ADGRL3: variants seen among roughly 807,000 people sequenced by gnomAD.
ADGRL3 encodes the protein adhesion G protein-coupled receptor L3.
ADGRL3 carries 62 observed loss-of-function variants against 153.5 expected under a neutral mutation model. The ratio of observed to expected loss-of-function variants is 0.40; its 90% CI spans 0.33 to 0.50. The LOEUF is 0.50. ADGRL3 is among the 20% of genes least tolerant of loss of function. The pLI is 0.47. For missense variants in ADGRL3, 1,641 were observed against 1,859.4 expected, an observed-to-expected ratio of 0.88 and a Z score of 2.16; for synonymous variants, 710 against 672.5, an observed-to-expected ratio of 1.06 and a Z score of -0.86.
intron 4 of ADGRL3, among the ~76,000 whole-genome samples, chr4:61,545,547 T>C (rs112703930): frequency 7.9e-5 from 12 of 152,294 alleles, no homozygotes; most frequent in African/African-American, 2.9e-4. Flanking sequence ...TGAGTCTCAC[T>C]CTGTTGCCCA....
intron 8 of ADGRL3, among the ~76,000 whole-genome samples, chr4:61,745,478 A>C (rs1279778234): frequency 6.6e-6 from 1 of 152,214 alleles, no homozygotes. Context: ...GGTTACCCAC[A>C]AAGGGAAGCC....
intron 2 of ADGRL3, among the ~76,000 whole-genome samples, chr4:61,466,564 C>G (rs1037877030): frequency 3.9e-5 from 6 of 152,064 alleles, no homozygotes; most frequent in African/African-American, 1.4e-4. Flanking sequence ...AAGAGTGGAC[C>G]TGGTACTATT....
intron 4 of ADGRL3, among the ~76,000 whole-genome samples, chr4:61,537,777 C>T (rs976143058): frequency 3.9e-5 from 6 of 152,104 alleles, no homozygotes; most frequent in Non-Finnish European, 7.4e-5. Context: ...AAGATTGCTT[C>T]GATTAAGATC....
intron 20 of ADGRL3, among the ~76,000 whole-genome samples, chr4:61,997,132 G>A (rs913597781): frequency 1.1e-4 from 17 of 151,496 alleles, no homozygotes; most frequent in African/African-American, 3.4e-4. Flanking sequence ...CATATATTGC[G>A]TAATACACAA....
At chr4:61,639,775 T>G (rs778084005) in intron 5 of ADGRL3, among the ~76,000 whole-genome samples, 10 of 152,196 alleles carry the variant, frequency 6.6e-5, no homozygotes, top group Non-Finnish European at 1.5e-4. Flanking sequence ...GAAGTATGTG[T>G]TCATAAGTAT....
At chr4:61,458,515 AT>A (rs1233599490) in intron 2 of ADGRL3, among the ~76,000 whole-genome samples, 7 of 151,480 alleles carry the variant, frequency 4.6e-5, no homozygotes, top group Admixed American at 4.0e-4. Context: ...GGTCAATAAT[AT>A]TCTTGGTTCC....
intron 21 of ADGRL3, among the ~76,000 whole-genome samples, chr4:62,020,923 G>A (rs1029753305): frequency 7.9e-5 from 12 of 151,990 alleles, no homozygotes; most frequent in African/African-American, 2.9e-4. Flanking sequence ...TTCAGAGTAT[G>A]AAAATTCATA....
chr4:61,250,181 T>C (rs1758696871), intron 1 of ADGRL3, among the ~76,000 whole-genome samples: 1 of 152,158 alleles, frequency 6.6e-6, no homozygotes. Flanking sequence ...TGCCACAGGG[T>C]TGATAAATCT....
intron 9 of ADGRL3, among the ~76,000 whole-genome samples, chr4:61,861,978 T>G (rs2149287473): frequency 6.6e-6 from 1 of 152,238 alleles, no homozygotes; most frequent in East Asian, 1.9e-4. Flanking sequence ...CAGCAAATGT[T>G]CCAAGAAATA....
chr4:61,286,676 G>A (rs1334613428), intron 1 of ADGRL3, among the ~76,000 whole-genome samples: 2 of 151,110 alleles, frequency 1.3e-5, no homozygotes, highest in Non-Finnish European at 3.0e-5. Flanking sequence ...TTTATATATC[G>A]AGATAAACCT....
chr4:62,010,790 A>G (rs2099182468), intron 21 of ADGRL3, among the ~76,000 whole-genome samples: 2 of 152,100 alleles, frequency 1.3e-5, no homozygotes, highest in Admixed American at 6.6e-5. Context: ...GCTCTTATTT[A>G]TATCATTAAA....
intron 4 of ADGRL3, among the ~76,000 whole-genome samples, chr4:61,531,181 T>C (rs2098610680): frequency 2.6e-5 from 4 of 152,086 alleles, no homozygotes; most frequent in Admixed American, 2.6e-4. Flanking sequence ...GCAAAGAAAA[T>C]GAGTGTGTGT....
chr4:61,289,475 G>A (rs1448820431), intron 1 of ADGRL3, among the ~76,000 whole-genome samples: 1 of 151,982 alleles, frequency 6.6e-6, no homozygotes, highest in Non-Finnish European at 1.5e-5. Context: ...GTAGATTATA[G>A]GAATATACAT....
chr4:61,685,339 G>A (rs780240128), intron 6 of ADGRL3, among the ~76,000 whole-genome samples: 4 of 152,216 alleles, frequency 2.6e-5, no homozygotes, highest in Middle Eastern at 3.4e-3. Context: ...CAGTGAAGAC[G>A]TTAGTCCCAC....
intron 4 of ADGRL3, among the ~76,000 whole-genome samples, chr4:61,559,205 C>G (rs972352328): frequency 6.6e-6 from 1 of 152,152 alleles, no homozygotes; most frequent in East Asian, 1.9e-4. Flanking sequence ...GCTTAATTCT[C>G]ATCATCATCA....
rs182470778 is a variant in ADGRL3, at chr4:61,676,973, G to C, written c.583+38G>C. On this transcript the variant is annotated intron_variant, in intron 6 of 26. Coordinates refer to ENST00000683033, the MANE Select transcript of ADGRL3 (RefSeq NM_001387552.1). The stretch of plus-strand genomic sequence containing the variant: ...CTATACTTTTCTTGGCAAGAGAAAA[G>C]ATACTAAACTGTGTTTTGCATGCAT... The C allele has an allele frequency of 4.7e-6, 6 of 1,288,790 alleles. 1 individual carries two copies. The South Asian group carries it at 6.0e-5, about 13-fold the overall frequency. The allele number at this position is 1,288,790 out of a possible 1,614,324, so 79.8% of individuals were successfully genotyped here.
chr4:61,939,933 T>G (rs536327071), intron 15 of ADGRL3, among the ~76,000 whole-genome samples: 2 of 152,006 alleles, frequency 1.3e-5, no homozygotes, highest in Non-Finnish European at 2.9e-5. Context: ...TTTTTTTTTT[T>G]AATTTTTTTA....
chr4:61,324,133 C>A (rs1022572041), intron 1 of ADGRL3, among the ~76,000 whole-genome samples: 13 of 152,094 alleles, frequency 8.5e-5, no homozygotes, highest in Non-Finnish European at 1.5e-4. Context: ...ACACTGCCCC[C>A]ATGATTCGGT....
chr4:61,300,890 G>A (rs1326249835), intron 1 of ADGRL3, among the ~76,000 whole-genome samples: 1 of 151,138 alleles, frequency 6.6e-6, no homozygotes. Flanking sequence ...ACAGCCTCCC[G>A]AGTAGCTGGG....
Sources: allele counts gnomAD v4.1 joint callset (sites outside exome capture counted in the v4.1 genomes callset), GRCh38; gene constraint gnomAD v4.1.1; transcripts MANE v1.5; gene names NCBI Gene and HGNC (gene_info 2026-07-23, HGNC 2026-07-21).